Variants in TEX11 observed in about 807,000 individuals in gnomAD.
The protein encoded by TEX11 is testis-expressed protein 11.
Under a neutral mutation model 84.4 loss-of-function variants are expected in TEX11, and 7 were observed. The observed-to-expected ratio is 0.08, with a 90% CI of 0.05 to 0.16. The LOEUF (loss-of-function observed/expected upper bound fraction) is 0.16. TEX11 is among the 10% of genes least tolerant of loss of function. The probability of loss-of-function intolerance (pLI) is 1.00; values close to 1 mark genes in which losing one functional copy is unlikely to be tolerated. For synonymous variants in TEX11, 264 were observed against 222.8 expected (o/e 1.18, Z -1.64); for missense variants, 551 against 660.5 (o/e 0.83, Z 1.82).
At chrX:70,654,504 A>T (rs1039269369) in intron 16 of TEX11, among the ~76,000 whole-genome samples, 3 of 110,469 alleles carry the variant, frequency 2.7e-5, no homozygotes, top group Admixed American at 9.7e-5. Flanking sequence ...TGAGAACAGG[A>T]GTTTGAGACC....
chrX:70,777,813 A>T (rs2091011954), intron 9 of TEX11, among the ~76,000 whole-genome samples: 2 of 112,007 alleles, frequency 1.8e-5, no homozygotes, highest in Non-Finnish European at 3.8e-5. Flanking sequence ...CAAGTCACAA[A>T]GGAAGACAGC....
chrX:70,747,537 C>T (rs1252443552), intron 9 of TEX11, among the ~76,000 whole-genome samples: 1 of 111,637 alleles, frequency 9.0e-6, no homozygotes, highest in African/African-American at 3.3e-5. Context: ...GTAAGACATA[C>T]AATTAAAAAG....
At chrX:70,842,568 A>G (rs1251165563) in intron 7 of TEX11, among the ~76,000 whole-genome samples, 19 of 111,937 alleles carry the variant, frequency 1.7e-4, no homozygotes, top group South Asian at 3.8e-4. Flanking sequence ...TTGAAAACTG[A>G]CACAAGACAG....
At chrX:70,699,019 A>C (rs2090304448) in intron 13 of TEX11, among the ~76,000 whole-genome samples, 1 of 111,585 alleles carries the variant, frequency 9.0e-6, no homozygotes, top group East Asian at 2.8e-4. Flanking sequence ...ACTTCTAATA[A>C]GACATAAGCC....
At chrX:70,753,519 A>G (rs1322481256) in intron 9 of TEX11, among the ~76,000 whole-genome samples, 7 of 109,406 alleles carry the variant, frequency 6.4e-5, no homozygotes, top group African/African-American at 2.3e-4. Flanking sequence ...CCTTGAAGGG[A>G]AGGACCCAGT....
At chrX:70,514,569 T>C in the TEX11 span, among the ~76,000 whole-genome samples, 2 of 97,131 alleles carry the variant, frequency 2.1e-5, no homozygotes, top group African/African-American at 4.0e-5. Context: ...CACTCCAGCC[T>C]GGTGTCAGAG....
chrX:70,765,221 A>C (rs951166890), intron 9 of TEX11, among the ~76,000 whole-genome samples: 1 of 111,144 alleles, frequency 9.0e-6, no homozygotes, highest in African/African-American at 3.3e-5. Flanking sequence ...CCCCATCTCT[A>C]CTAAAACCAC....
intron 17 of TEX11, among the ~76,000 whole-genome samples, chrX:70,636,270 C>A (rs1423979085): frequency 9.0e-6 from 1 of 110,912 alleles, no homozygotes; most frequent in Non-Finnish European, 1.9e-5. Flanking sequence ...TCAAGGCAGT[C>A]CTTGTGGCCC....
intron 25 of TEX11, among the ~76,000 whole-genome samples, chrX:70,580,851 G>C (rs1221035770): frequency 8.9e-6 from 1 of 111,945 alleles, no homozygotes; most frequent in Non-Finnish European, 1.9e-5. Context: ...ACATTCTGTG[G>C]TATGTTAGAT....
intron 5 of TEX11, among the ~76,000 whole-genome samples, chrX:70,857,879 A>G (rs1466063697): frequency 8.9e-6 from 1 of 111,898 alleles, no homozygotes; most frequent in Non-Finnish European, 1.9e-5. Flanking sequence ...GCAGCCATAA[A>G]AAGGAAAGAA....
chrX:70,511,752 C>CAAAAA, the TEX11 span, among the ~76,000 whole-genome samples: 22 of 32,708 alleles, frequency 6.7e-4, no homozygotes, highest in Non-Finnish European at 1.4e-3. Flanking sequence ...GACTCCATCT[C>CAAAAA]AAAAAAAAAA....
At chrX:70,541,078 T>C (rs949463278) in intron 28 of TEX11, among the ~76,000 whole-genome samples, 3 of 110,646 alleles carry the variant, frequency 2.7e-5, no homozygotes, top group Non-Finnish European at 5.7e-5. Flanking sequence ...TGGTCCCAGC[T>C]ACTCGGGGAG....
chrX:70,604,394 C>CT (rs765707369), intron 24 of TEX11, among the ~76,000 whole-genome samples: 1 of 110,906 alleles, frequency 9.0e-6, no homozygotes, highest in Admixed American at 9.6e-5. Context: ...TTCTCATCTT[C>CT]TTTTAAAATA....
At chrX:70,575,705 G>A (rs747089848) in intron 25 of TEX11, among the ~76,000 whole-genome samples, 1 of 111,751 alleles carries the variant, frequency 8.9e-6, no homozygotes, top group Non-Finnish European at 1.9e-5. Flanking sequence ...GAGGTGTTTT[G>A]TTACAGCAGC....
At chrX:70,885,226 C>T (rs1263785976) in intron 2 of TEX11, among the ~76,000 whole-genome samples, 1 of 111,594 alleles carries the variant, frequency 9.0e-6, no homozygotes, top group African/African-American at 3.3e-5. Flanking sequence ...AGAGAGGTGC[C>T]TTAACACAGG....
intron 28 of TEX11, among the ~76,000 whole-genome samples, chrX:70,549,699 G>A (rs1263695421): frequency 8.9e-6 from 1 of 112,148 alleles, no homozygotes; most frequent in African/African-American, 3.2e-5. Context: ...AAAGAGGAAA[G>A]AGTGGGAAGG....
At chrX:70,851,666 T>TACACACACACAC (rs55903537) in intron 7 of TEX11, among the ~76,000 whole-genome samples, 2,378 of 91,954 alleles carry the variant, frequency 0.026, 62 homozygotes, top group East Asian at 0.078. Context: ...ATTAAAAACA[T>TACACACACACAC]ACACACACAC....
chrX:70,610,024 G>A (rs950705121), intron 21 of TEX11, among the ~76,000 whole-genome samples: 4 of 109,066 alleles, frequency 3.7e-5, no homozygotes, highest in Non-Finnish European at 5.7e-5. Flanking sequence ...GAAAAAAACA[G>A]CAGGGTTCAG....
At chrX:70,830,101 G>A (rs1308308684) in intron 8 of TEX11, among the ~76,000 whole-genome samples, 4 of 110,569 alleles carry the variant, frequency 3.6e-5, no homozygotes, top group Non-Finnish European at 7.6e-5. Flanking sequence ...AAGACCCAAT[G>A]ATCTCTTGCC....
Sources: gnomAD v4.1 joint callset for allele counts (sites outside exome capture counted in the v4.1 genomes callset) on GRCh38, gnomAD v4.1.1 for gene constraint, MANE v1.5 for transcripts, NCBI Gene and HGNC (gene_info 2026-07-23, HGNC 2026-07-21) for gene names.